The following TCF3 variants were observed in gnomAD, a reference collection of about 807,000 sequenced individuals.
The protein encoded by TCF3 is transcription factor 3.
TCF3 carries 54 observed loss-of-function variants against 72.3 expected under a neutral mutation model. The observed-to-expected ratio is 0.75, with a 90% CI of 0.60 to 0.94. The LOEUF is 0.94. Ranked by LOEUF, TCF3 falls within the 40% of genes least tolerant of loss-of-function variation. The pLI is 0.00. For missense variants in TCF3, 1,078 were observed against 934.4 expected (o/e 1.15, Z -2.00); for synonymous variants, 525 against 412.6 (o/e 1.27, Z -3.30).
chr19:1,621,227 G>A (rs1186203223), intron 11 of TCF3, 36 bp from the exon 12 acceptor site: 8 of 1,526,298 alleles, frequency 5.2e-6, no homozygotes, highest in Non-Finnish European at 7.0e-6. Context: ...ACGCAGCCCG[G>A]CCTGGGTGCT....
chr19:1,633,067 G>T (rs1390778119), intron 3 of TCF3, among the ~76,000 whole-genome samples: 1 of 150,276 alleles, frequency 6.7e-6, no homozygotes, highest in Non-Finnish European at 1.5e-5. Context: ...CGCAGCAAGG[G>T]ACGGGACGAG....
intron 1 of TCF3, 150 bp from the exon 2 acceptor site, chr19:1,650,437 G>C: frequency 1.7e-6 from 1 of 593,974 alleles, no homozygotes; most frequent in South Asian, 2.1e-5. Context: ...GGGGCACGGG[G>C]AGCCCTGGGA....
intron 2 of TCF3, among the ~76,000 whole-genome samples, chr19:1,647,069 G>C (rs555426761): frequency 5.8e-4 from 89 of 152,306 alleles, no homozygotes; most frequent in Middle Eastern, 3.4e-3. Context: ...TGGAGCCCCG[G>C]GCCCGGCAGG....
In TCF3 at chr19:1,646,241, C is replaced by CTTT. The variant is rs2066075489; in HGVS notation, c.145+111_145+113dup. 9 of 1,184,636 alleles carry CTTT rather than the reference C, an allele frequency of 7.6e-6. No homozygotes were observed. The South Asian group carries it at 1.3e-4, about 17-fold the overall frequency. The allele number at this position is 1,184,636 out of a possible 1,614,324, so 73.4% of individuals were successfully genotyped here. A position where few individuals can be genotyped will look rare whatever the true frequency, so the allele number is the denominator to read the frequency against. On this transcript the variant is annotated intron_variant, in intron 3 of 18. Transcript: ENST00000262965. ...TGCCCCCGACCCGGCCTGTGTGGCCCTTTCCCCATTGTCTCCCTCCTTTGC... is the reference window on the plus strand; with the variant it reads ...TGCCCCCGACCCGGCCTGTGTGGCCCTTTTTTCCCCATTGTCTCCCTCCTTTGC...
intron 5 of TCF3, among the ~76,000 whole-genome samples, chr19:1,630,650 C>A (rs909257912): frequency 6.6e-6 from 1 of 152,334 alleles, no homozygotes; most frequent in Non-Finnish European, 1.5e-5. Flanking sequence ...AGCAGAAACA[C>A]TGCCTCAAAC....
At chr19:1,638,022 C>T (rs1343781460) in intron 3 of TCF3, among the ~76,000 whole-genome samples, 1 of 152,216 alleles carries the variant, frequency 6.6e-6, no homozygotes, top group Non-Finnish European at 1.5e-5. Flanking sequence ...CTGTCTTAAG[C>T]CTGTAAGCCC....
intron 6 of TCF3, among the ~76,000 whole-genome samples, chr19:1,626,931 G>A (rs1047879869): frequency 1.3e-5 from 2 of 152,112 alleles, no homozygotes; most frequent in African/African-American, 4.8e-5. Flanking sequence ...CAGCACCGGA[G>A]GCTGCATGGG....
chr19:1,646,282 C>G, intron 3 of TCF3, 73 bp downstream of exon 3: 2 of 1,460,216 alleles, frequency 1.4e-6, no homozygotes, highest in Non-Finnish European at 1.9e-6. Context: ...CAGCCTCCCT[C>G]GCCCGCACAC....
rs2060843836 is a variant in TCF3, at chr19:1,609,533, G to C, written c.*2174C>G. The C allele has an allele frequency of 1.8e-5, 4 of 221,906 alleles. No individual in the cohort carries two copies. Among genetic ancestry groups the C allele is most frequent in the Non-Finnish European group, 2.7e-5 (3 of 111,262 alleles). The allele number at this position is 221,906 out of a possible 1,614,324, so 13.7% of individuals were successfully genotyped here. A position where few individuals can be genotyped will look rare whatever the true frequency, so the allele number is the denominator to read the frequency against. On this transcript the variant is annotated 3_prime_UTR_variant, in exon 19 of 19. Transcript: ENST00000262965. ...CTGTTTCTTCCTCCTCGCGCTGGGT[G>C]AATCTCGTTTGAATTCTATGCAGAA...
At chr19:1,621,449 A>G (rs1281839265) in intron 11 of TCF3, among the ~76,000 whole-genome samples, 34 of 128,040 alleles carry the variant, frequency 2.7e-4, no homozygotes, top group African/African-American at 7.1e-4. Flanking sequence ...CTGGGCCTGG[A>G]TGGGTGAGTC....
chr19:1,624,948 C>T (rs994575712), intron 7 of TCF3, among the ~76,000 whole-genome samples: 1 of 152,228 alleles, frequency 6.6e-6, no homozygotes, highest in Non-Finnish European at 1.5e-5. Context: ...CAGGGTCAAA[C>T]CATCCTCCTG....
Position 1,650,189 on chromosome 19 carries a change from C to T in TCF3, c.60G>A (p.Leu20=). ...GGTCCTGGCTCACCATGCTGAAGTC[C>T]AGGAGGTCACTGAGCTCCTTGTCTG... ...VGTDKELSDL[L]DFSMMFPLPV... The change falls in exon 2 of 19, where the codon CTG becomes CTA. Residue 20 remains leucine (L), a synonymous_variant. Coordinates refer to ENST00000262965, the MANE Select transcript of TCF3 (RefSeq NM_003200.5). The T allele has an allele frequency of 6.4e-7, 1 of 1,571,222 alleles. No homozygotes were observed. Among genetic ancestry groups the T allele is most frequent in the Non-Finnish European group, 8.6e-7 (1 of 1,159,684 alleles).
chr19:1,621,704 A>G, intron 11 of TCF3, 134 bp downstream of exon 11: 1 of 1,211,572 alleles, frequency 8.3e-7, no homozygotes, highest in Non-Finnish European at 1.1e-6. Context: ...GGACAATGAG[A>G]ACTGACAACA....
At chr19:1,612,258 T>C in intron 18 of TCF3, 1 of 1,610,788 alleles carries the variant, frequency 6.2e-7, no homozygotes. Context: ...TGCTGCAGGA[T>C]GAGCAGCTTG....
Position 1,610,835 on chromosome 19 carries a change from T to C in TCF3, c.*872A>G, listed in dbSNP as rs2060926766. On this transcript the variant is annotated 3_prime_UTR_variant, in exon 19 of 19. Coordinates refer to ENST00000262965, the MANE Select transcript of TCF3 (RefSeq NM_003200.5). ...CATCAGGGAACGCCCACGCATCACT[T>C]TCCACATGACAAAACCAAGAGAACC... 4.8e-6 allele frequency: 1 copy of C among 207,780 alleles called. No individual in the cohort carries two copies. The highest frequency in any genetic ancestry group is 9.6e-6 in the Non-Finnish European group (1 of 104,658). The allele number at this position is 207,780 out of a possible 1,614,324, so 12.9% of individuals were successfully genotyped here. A position where few individuals can be genotyped will look rare whatever the true frequency, so the allele number is the denominator to read the frequency against.
At chr19:1,651,933 A>G (rs1471023433) in intron 1 of TCF3, among the ~76,000 whole-genome samples, 1 of 148,140 alleles carries the variant, frequency 6.8e-6, no homozygotes, top group Non-Finnish European at 1.5e-5. Context: ...CCTCTACCCG[A>G]GAAAGGGGGC....
intron 3 of TCF3, among the ~76,000 whole-genome samples, chr19:1,637,680 C>T (rs1043635138): frequency 7.2e-5 from 11 of 152,298 alleles, no homozygotes; most frequent in African/African-American, 2.2e-4. Context: ...GAGGCCAAGG[C>T]GGGCGGATCA....
At chr19:1,646,240 C>T in intron 3 of TCF3, 115 bp downstream of exon 3, 2 of 1,161,736 alleles carry the variant, frequency 1.7e-6, no homozygotes, top group Non-Finnish European at 2.5e-6. Flanking sequence ...CCTGTGTGGC[C>T]CTTTCCCCAT....
In TCF3 at chr19:1,611,336, GTA is replaced by G; in HGVS notation, c.*369_*370del. ...GCATTTTTTTCTTCTCTGACAAAGT[GTA>G]TGTTTTGTTGCTTGCTTTCAGGTTT... is the stretch of plus-strand genomic sequence containing the variant. On this transcript the variant is annotated 3_prime_UTR_variant, in exon 19 of 19. Transcript: ENST00000262965. 1.0e-5 allele frequency: 4 copies of G among 394,042 alleles called. No homozygotes were observed. The highest frequency in any genetic ancestry group is 1.8e-5 in the Non-Finnish European group (4 of 223,406). The allele number at this position is 394,042 out of a possible 1,614,324, so 24.4% of individuals were successfully genotyped here.
Sources: gnomAD v4.1 joint callset for allele counts (sites outside exome capture counted in the v4.1 genomes callset) on GRCh38, gnomAD v4.1.1 for gene constraint, MANE v1.5 for transcripts, NCBI Gene and HGNC (gene_info 2026-07-23, HGNC 2026-07-21) for gene names.